Variants in CFAP97D2 observed in about 807,000 individuals in gnomAD.
CFAP97D2 encodes the protein CFAP97 domain containing 2, also known as uncharacterized protein CFAP97D2.
At chr13:114,200,343 T>G (rs375533901) in exon 3 of CFAP97D2, 2 of 398,534 alleles carry the variant, frequency 5.0e-6, no homozygotes, top group Non-Finnish European at 8.8e-6. Context: ...GGAACGGCTC[T>G]CCGTCATCGA....
chr13:114,182,515 G>C (rs2080839342), intron 1 of CFAP97D2, among the ~76,000 whole-genome samples: 1 of 151,858 alleles, frequency 6.6e-6, no homozygotes, highest in South Asian at 2.1e-4. Context: ...GGTACAGTCA[G>C]GTCTTTCTCA....
chr13:114,193,008 T>G (rs1484799249), intron 1 of CFAP97D2, among the ~76,000 whole-genome samples: 1 of 152,260 alleles, frequency 6.6e-6, no homozygotes, highest in Non-Finnish European at 1.5e-5. Context: ...GCCAGTATCT[T>G]AATTAATAGA....
chr13:114,210,853 G>GACAC (rs1417622434), intron 3 of CFAP97D2, among the ~76,000 whole-genome samples: 33 of 99,092 alleles, frequency 3.3e-4, no homozygotes, highest in African/African-American at 1.6e-3. Flanking sequence ...ACATTTCATT[G>GACAC]ATACACACAC....
intron 1 of CFAP97D2, among the ~76,000 whole-genome samples, chr13:114,188,361 A>C (rs2080858106): frequency 6.6e-6 from 1 of 152,112 alleles, no homozygotes; most frequent in Non-Finnish European, 1.5e-5. Flanking sequence ...TGGAAACACA[A>C]CTTACCATAA....
rs765746333 is a variant in CFAP97D2 at position 114,179,626 on chromosome 13, C to CT, written c.90+218dup. ...AAATAGTTGACGGCTTTCTTTCTTTCTTTTTTTTTTTTGAGATGACAGCTT... is the reference window on the plus strand; with the variant it reads ...AAATAGTTGACGGCTTTCTTTCTTTCTTTTTTTTTTTTTGAGATGACAGCTT... On this transcript the variant is annotated intron_variant, in intron 1 of 4. Transcript: ENST00000646158. This position sits in a 1 kb window ranked among gnomAD's most constrained non-coding sequence, Gnocchi z 4.8. Among the ~76,000 whole-genome samples the CT allele has an allele frequency of 2.6e-3, 372 of 145,340 alleles. 1 individual carries two copies. The highest frequency in any genetic ancestry group is 6.3e-3 in the African/African-American group (250 of 39,856).
intron 1 of CFAP97D2, among the ~76,000 whole-genome samples, chr13:114,195,313 C>T (rs1289474588): frequency 1.3e-5 from 2 of 152,228 alleles, no homozygotes; most frequent in Non-Finnish European, 2.9e-5. Context: ...CAAGTTGCAG[C>T]TCCTAAGTGT....
At chr13:114,218,609 T>C (rs111748846) in intron 4 of CFAP97D2, among the ~76,000 whole-genome samples, 9,914 of 152,098 alleles carry the variant, frequency 0.065, 550 homozygotes, top group African/African-American at 0.13. Flanking sequence ...AGGCATCATG[T>C]TACCTGACTT....
At chr13:114,181,031 C>A (rs767132266) in intron 1 of CFAP97D2, among the ~76,000 whole-genome samples, 6 of 152,228 alleles carry the variant, frequency 3.9e-5, no homozygotes, top group Non-Finnish European at 8.8e-5. Context: ...CCTACAGGTA[C>A]TGGGTCCAAG....
intron 3 of CFAP97D2, among the ~76,000 whole-genome samples, chr13:114,206,104 CTTTT>C (rs57411812): frequency 1.4e-5 from 2 of 138,014 alleles, no homozygotes; most frequent in Non-Finnish European, 1.6e-5. Flanking sequence ...TTTTCTTTTC[CTTTT>C]TTTTTTTTTT....
intron 1 of CFAP97D2, among the ~76,000 whole-genome samples, chr13:114,195,876 C>A: frequency 6.6e-6 from 1 of 150,732 alleles, no homozygotes; most frequent in Non-Finnish European, 1.5e-5. Flanking sequence ...TCGAGACCAT[C>A]CTGGCTAATG....
chr13:114,220,855 C>T lies in CFAP97D2; in HGVS notation c.481-1643C>T, dbSNP rs60180620. Among the ~76,000 whole-genome samples, 77 of 152,344 alleles carry T rather than the reference C, an allele frequency of 5.1e-4. No individual in the cohort carries two copies. The East Asian group carries it at 0.013, about 27-fold the overall frequency. ...ATCATCTCGGACAAAAGCTCAGCCT[C>T]GGGGAGCCCCATTCTCGCTTCTAAA... On this transcript the variant is annotated intron_variant, in intron 4 of 4. Transcript: ENST00000646158.
intron 3 of CFAP97D2, among the ~76,000 whole-genome samples, chr13:114,205,631 G>A (rs1166725686): frequency 6.6e-6 from 1 of 152,070 alleles, no homozygotes; most frequent in South Asian, 2.1e-4. Flanking sequence ...GGGAAGAGCT[G>A]GGAGTGGAGA....
chr13:114,180,159 C>A (rs1034113751), intron 1 of CFAP97D2, among the ~76,000 whole-genome samples: 1 of 152,252 alleles, frequency 6.6e-6, no homozygotes, highest in Non-Finnish European at 1.5e-5. Context: ...TTCCATGTAT[C>A]ATGTCTCCAC....
intron 4 of CFAP97D2, among the ~76,000 whole-genome samples, chr13:114,212,603 A>G (rs2080972332): frequency 6.6e-6 from 1 of 152,192 alleles, no homozygotes; most frequent in Non-Finnish European, 1.5e-5. Flanking sequence ...TAATCCCAGC[A>G]CTTTGGGAGG....
chr13:114,219,408 A>T (rs7998976), intron 4 of CFAP97D2, among the ~76,000 whole-genome samples: 1 of 151,984 alleles, frequency 6.6e-6, no homozygotes, highest in Non-Finnish European at 1.5e-5. Flanking sequence ...TCCTCAGCAA[A>T]TGTCAAGACA....
chr13:114,207,284 TG>T lies in CFAP97D2; in HGVS notation c.291-4625del, dbSNP rs2080945222. Among the ~76,000 whole-genome samples the T allele has an allele frequency of 6.6e-6, 1 of 152,218 alleles. No individual in the cohort carries two copies. The highest frequency in any genetic ancestry group is 1.5e-5 in the Non-Finnish European group (1 of 68,020). Reference sequence around the variant, plus strand: ...TATTTGCCACCATTGAGGACGCTACTGGGATACGGCATGGACAGCGAGGGGA... The same window carrying T: ...TATTTGCCACCATTGAGGACGCTACTGGATACGGCATGGACAGCGAGGGGA... On this transcript the variant is annotated intron_variant, in intron 3 of 4. Transcript: ENST00000646158. This position sits in a 1 kb window ranked among gnomAD's most constrained non-coding sequence, Gnocchi z 4.9.
chr13:114,214,305 G>A (rs926752893), intron 4 of CFAP97D2: 4 of 152,220 alleles, frequency 2.6e-5, no homozygotes, highest in Admixed American at 2.6e-4. Flanking sequence ...AAAGACGCAT[G>A]ACTGTTAAGC....
chr13:114,182,739 T>G (rs369796427), intron 1 of CFAP97D2, among the ~76,000 whole-genome samples: 1 of 152,236 alleles, frequency 6.6e-6, no homozygotes, highest in Non-Finnish European at 1.5e-5. Context: ...TAAACCTTGA[T>G]TTCATACAAC....
At chr13:114,217,648 C>G (rs1373824487) in intron 4 of CFAP97D2, among the ~76,000 whole-genome samples, 2 of 152,192 alleles carry the variant, frequency 1.3e-5, no homozygotes, top group East Asian at 3.8e-4. Context: ...CAAACCGAAT[C>G]CAGCAGCACA....
Sources: allele counts gnomAD v4.1 joint callset (sites outside exome capture counted in the v4.1 genomes callset), GRCh38; gene constraint gnomAD v4.1.1; non-coding constraint Gnocchi (gnomAD v3.1); transcripts MANE v1.5; gene names NCBI Gene and HGNC (gene_info 2026-07-23, HGNC 2026-07-21).